RAD51B: variants seen among roughly 807,000 people sequenced by gnomAD.
RAD51B encodes RAD51 paralog B.
In RAD51B, 38 loss-of-function variants were observed where a neutral mutation model predicts 42.2. The ratio of observed to expected loss-of-function variants is 0.90; its 90% CI spans 0.70 to 1.18. The LOEUF is 1.18. Among genes scored for constraint, RAD51B ranks in the 50% most tolerant of loss-of-function variants. The probability of loss-of-function intolerance (pLI) is 0.00; values close to 1 mark genes in which losing one functional copy is unlikely to be tolerated. For missense variants in RAD51B, 373 were observed against 400.7 expected, an observed-to-expected ratio of 0.93 and a Z score of 0.59; for synonymous variants, 154 against 145.2, an observed-to-expected ratio of 1.06 and a Z score of -0.43.
chr14:68,580,421 C>A (rs1200743199), intron 10 of RAD51B, among the ~76,000 whole-genome samples: 1 of 152,168 alleles, frequency 6.6e-6, no homozygotes, highest in Non-Finnish European at 1.5e-5. Flanking sequence ...AGCTGTGTGA[C>A]CTTGGACTAC....
intron 8 of RAD51B, among the ~76,000 whole-genome samples, chr14:68,385,004 G>T (rs565522475): frequency 1.3e-3 from 202 of 152,348 alleles, no homozygotes; most frequent in Non-Finnish European, 2.4e-3. Flanking sequence ...CGACAGAGGA[G>T]AAGCTTGTGG....
At chr14:68,625,534 G>A (rs868620414) in intron 10 of RAD51B, among the ~76,000 whole-genome samples, 13 of 152,204 alleles carry the variant, frequency 8.5e-5, no homozygotes, top group African/African-American at 2.4e-4. Context: ...GTGCAGTGGT[G>A]CAAACATAGC....
chr14:68,310,865 A>C (rs1227448544), intron 8 of RAD51B, among the ~76,000 whole-genome samples: 1 of 152,142 alleles, frequency 6.6e-6, no homozygotes, highest in Non-Finnish European at 1.5e-5. Context: ...TTAATTAATT[A>C]AAAATTAAGA....
At chr14:67,825,757 A>G (rs2040811124) in intron 3 of RAD51B, among the ~76,000 whole-genome samples, 180 bp downstream of exon 3, 1 of 151,690 alleles carries the variant, frequency 6.6e-6, no homozygotes, top group Admixed American at 6.6e-5. Context: ...TTCTTTTTTG[A>G]GACGCTCTGT....
chr14:67,942,797 T>C (rs1166372258), intron 7 of RAD51B, among the ~76,000 whole-genome samples: 1 of 152,196 alleles, frequency 6.6e-6, no homozygotes, highest in African/African-American at 2.4e-5. Flanking sequence ...ATGGGAATAG[T>C]TGCAATTATA....
intron 8 of RAD51B, among the ~76,000 whole-genome samples, chr14:68,345,679 CAG>C (rs1214857284): frequency 3.3e-5 from 5 of 149,392 alleles, no homozygotes; most frequent in African/African-American, 1.2e-4. Context: ...TTTTTTGAGA[CAG>C]AGTATTGCTC....
At position 68,298,529 on chromosome 14, in the gene RAD51B, A is replaced by G. The variant is rs550653482; in HGVS notation, c.853+6549A>G. ...GTGTGGGAGTTGGGCTAGCTTTAAA[A>G]GTAGTTTCCCCTCACCCTCAAATCT... On this transcript the variant is annotated intron_variant, in intron 8 of 10. Coordinates refer to ENST00000471583, the MANE Select transcript of RAD51B (RefSeq NM_133510.4). Among the ~76,000 whole-genome samples the G allele has an allele frequency of 2.6e-5, 4 of 152,362 alleles. No homozygotes were observed. In the South Asian group the frequency reaches 8.3e-4, roughly 32 times the overall value.
intron 7 of RAD51B, among the ~76,000 whole-genome samples, chr14:67,920,443 G>A (rs1025707973): frequency 1.3e-5 from 2 of 151,776 alleles, no homozygotes; most frequent in Non-Finnish European, 2.9e-5. Context: ...GTAGCAGTTT[G>A]TATCACATCA....
At chr14:68,608,724 G>C (rs914797789) in intron 10 of RAD51B, among the ~76,000 whole-genome samples, 2 of 152,174 alleles carry the variant, frequency 1.3e-5, no homozygotes, top group African/African-American at 4.8e-5. Flanking sequence ...AAGTGAGCAT[G>C]AACAGAGCAG....
At chr14:68,623,022 A>G (rs1891989820) in intron 10 of RAD51B, among the ~76,000 whole-genome samples, 1 of 152,198 alleles carries the variant, frequency 6.6e-6, no homozygotes, top group South Asian at 2.1e-4. Flanking sequence ...CTGTGCCCAG[A>G]TGTCCTAACC....
chr14:68,029,063 A>G (rs1035409475), intron 7 of RAD51B, among the ~76,000 whole-genome samples: 1 of 151,582 alleles, frequency 6.6e-6, no homozygotes, highest in Non-Finnish European at 1.5e-5. Context: ...CTCTTCATTA[A>G]CCCTCTCCCG....
At chr14:68,561,151 C>T (rs1393032557) in intron 10 of RAD51B, among the ~76,000 whole-genome samples, 1 of 152,234 alleles carries the variant, frequency 6.6e-6, no homozygotes, top group Non-Finnish European at 1.5e-5. Flanking sequence ...CAGCTGAGAA[C>T]TCCCATGCTG....
At chr14:67,843,365 T>A (rs1165769480) in intron 4 of RAD51B, 1 of 150,024 alleles carries the variant, frequency 6.7e-6, no homozygotes, top group African/African-American at 2.4e-5. Flanking sequence ...GATACTGGTC[T>A]TATAGAATGA....
At chr14:68,404,263 A>G (rs1594788691) in intron 8 of RAD51B, among the ~76,000 whole-genome samples, 1 of 152,262 alleles carries the variant, frequency 6.6e-6, no homozygotes, top group Non-Finnish European at 1.5e-5. Context: ...AAATATCACA[A>G]TCATCAAAAA....
At chr14:68,163,695 C>T (rs1221736125) in intron 7 of RAD51B, among the ~76,000 whole-genome samples, 4 of 152,172 alleles carry the variant, frequency 2.6e-5, no homozygotes, top group Non-Finnish European at 5.9e-5. Flanking sequence ...TTCATATCCT[C>T]ATCTACTAAG....
At chr14:68,593,389 A>T (rs1402920643) in intron 10 of RAD51B, among the ~76,000 whole-genome samples, 3 of 152,198 alleles carry the variant, frequency 2.0e-5, no homozygotes, top group African/African-American at 7.2e-5. Flanking sequence ...TCGCCAGCCG[A>T]TGATCATTGG....
chr14:68,204,798 T>C (rs1219172858), intron 7 of RAD51B, among the ~76,000 whole-genome samples: 1 of 152,194 alleles, frequency 6.6e-6, no homozygotes, highest in Non-Finnish European at 1.5e-5. Flanking sequence ...TTATAAGAAT[T>C]AAAAATTGAA....
At chr14:68,104,236 T>A (rs569645517) in intron 7 of RAD51B, among the ~76,000 whole-genome samples, 129 of 152,256 alleles carry the variant, frequency 8.5e-4, no homozygotes, top group African/African-American at 3.0e-3. Flanking sequence ...TTTGAAAGGT[T>A]TAAAGAATCA....
At chr14:68,360,186 T>C (rs2139907840) in intron 8 of RAD51B, among the ~76,000 whole-genome samples, 1 of 152,276 alleles carries the variant, frequency 6.6e-6, no homozygotes, top group East Asian at 1.9e-4. Context: ...TCACTCCCTC[T>C]TCCCCAGATG....
Sources: gnomAD v4.1 joint callset for allele counts (sites outside exome capture counted in the v4.1 genomes callset) on GRCh38, gnomAD v4.1.1 for gene constraint, MANE v1.5 for transcripts, NCBI Gene and HGNC (gene_info 2026-07-23, HGNC 2026-07-21) for gene names.